The following FAM167A variants were observed in gnomAD, a reference collection of about 807,000 sequenced individuals.
FAM167A encodes the protein family with sequence similarity 167 member A.
In FAM167A, 23 loss-of-function variants were observed where a neutral mutation model predicts 14.9. The observed-to-expected ratio is 1.55, with a 90% CI of 1.11 to 2.19. The LOEUF (loss-of-function observed/expected upper bound fraction) is 2.19. Ranked by LOEUF, FAM167A falls within the 30% of genes most tolerant of loss-of-function variation. FAM167A has a pLI of 0.00. For missense variants in FAM167A, 401 were observed against 281.5 expected (o/e 1.42, Z -3.04); for synonymous variants, 174 against 117.7 (o/e 1.48, Z -3.10).
intron 1 of FAM167A, among the ~76,000 whole-genome samples, chr8:11,462,293 A>C (rs573246530): frequency 6.6e-6 from 1 of 152,314 alleles, no homozygotes; most frequent in South Asian, 2.1e-4. Context: ...CCTGCCACTT[A>C]CTAGTTCTAT....
intron 2 of FAM167A, chr8:11,438,002 A>G (rs2001463): frequency 0.69 from 246,425 of 354,596 alleles, 86,435 homozygotes; most frequent in African/African-American, 0.83. Context: ...TTGTCACACC[A>G]TGCCACTGTG....
At chr8:11,452,161 C>G (rs1807052864) in intron 1 of FAM167A, among the ~76,000 whole-genome samples, 1 of 152,186 alleles carries the variant, frequency 6.6e-6, no homozygotes, top group Admixed American at 6.5e-5. Context: ...TCACTGTCCT[C>G]CTAATGAAAT....
intron 2 of FAM167A, among the ~76,000 whole-genome samples, chr8:11,427,158 T>TTAG (rs757700847): frequency 7.9e-5 from 12 of 152,218 alleles, no homozygotes; most frequent in Non-Finnish European, 1.6e-4. Context: ...TCCCTTTGGC[T>TTAG]TAGTGATTGT....
At chr8:11,430,548 G>A (rs528577219) in intron 2 of FAM167A, among the ~76,000 whole-genome samples, 19 of 152,292 alleles carry the variant, frequency 1.2e-4, no homozygotes, top group Admixed American at 1.2e-3. Context: ...GAACTGTATG[G>A]TATGTAAAGT....
At chr8:11,453,481 T>A (rs1202237089) in intron 1 of FAM167A, among the ~76,000 whole-genome samples, 2 of 152,172 alleles carry the variant, frequency 1.3e-5, no homozygotes, top group Non-Finnish European at 2.9e-5. Context: ...ATTACACAGA[T>A]GAAGAGACCG....
At chr8:11,445,113 G>A in intron 1 of FAM167A, 7 of 983,328 alleles carry the variant, frequency 7.1e-6, no homozygotes, top group Non-Finnish European at 8.5e-6. Context: ...TCACACACGA[G>A]GAACCCACAT....
intron 2 of FAM167A, among the ~76,000 whole-genome samples, chr8:11,436,157 T>C (rs181581266): frequency 5.3e-5 from 8 of 152,356 alleles, no homozygotes; most frequent in African/African-American, 1.4e-4. Flanking sequence ...GGCTGTGTTA[T>C]TGTCTCTATC....
intron 1 of FAM167A, among the ~76,000 whole-genome samples, chr8:11,459,166 A>G (rs568759924): frequency 1.3e-5 from 2 of 152,358 alleles, no homozygotes; most frequent in East Asian, 1.9e-4. Flanking sequence ...TTATTGTGCC[A>G]GGCACTGTGC....
In FAM167A at chr8:11,426,214, C is replaced by G. The variant is rs1176047485; in HGVS notation, c.382-1578G>C. Among the ~76,000 whole-genome samples, 13 of 152,326 alleles carry G rather than the reference C, an allele frequency of 8.5e-5. No homozygotes were observed. The East Asian group carries it at 1.7e-3, about 20-fold the overall frequency. ...TAAGACCTGTAAGCACCCCCACCCT[C>G]CAAGCCCCTTCAAGATATCCCACCT... On this transcript the variant is annotated intron_variant, in intron 2 of 2. Coordinates refer to ENST00000284486, the MANE Select transcript of FAM167A (RefSeq NM_053279.3).
At chr8:11,464,327 C>T (rs1392489384) in intron 1 of FAM167A, among the ~76,000 whole-genome samples, 1 of 152,174 alleles carries the variant, frequency 6.6e-6, no homozygotes, top group Non-Finnish European at 1.5e-5. Flanking sequence ...GCCTACCTGA[C>T]TCATCCTGGC....
chr8:11,439,703 A>C (rs368084008), intron 2 of FAM167A, among the ~76,000 whole-genome samples: 1 of 152,190 alleles, frequency 6.6e-6, no homozygotes, highest in African/African-American at 2.4e-5. Context: ...AGGGCTTCTC[A>C]CTACAAACTG....
At position 11,463,465 on chromosome 8, in the gene FAM167A, T is replaced by G. The variant is rs147574706; in HGVS notation, c.-398+3161A>C. 5.4e-3 allele frequency among the ~76,000 whole-genome samples: 821 copies of G among 152,310 alleles called. 13 individuals are homozygous for G. The highest frequency in any genetic ancestry group is 0.019 in the African/African-American group (784 of 41,582). On this transcript the variant is annotated intron_variant, in intron 1 of 2. Coordinates refer to ENST00000284486, the MANE Select transcript of FAM167A (RefSeq NM_053279.3). ...GAGCCTGCTGACCTAGGGGCTGCTG[T>G]GCCCAGCCAGCTCGCAGAGGCTCCG...
intron 1 of FAM167A, among the ~76,000 whole-genome samples, chr8:11,454,731 C>T (rs148128000): frequency 1.6e-3 from 248 of 152,310 alleles, no homozygotes; most frequent in Non-Finnish European, 2.6e-3. Context: ...CCTAGGGAGG[C>T]GAGCCTGGGG....
chr8:11,463,714 G>GT (rs2117153431), intron 1 of FAM167A, among the ~76,000 whole-genome samples: 2 of 152,310 alleles, frequency 1.3e-5, no homozygotes, highest in African/African-American at 4.8e-5. Context: ...ATGCCCTGGA[G>GT]GGAACTTCCG....
At chr8:11,474,471 C>G (rs906892027) in intron 1 of FAM167A, 13 of 152,202 alleles carry the variant, frequency 8.5e-5, no homozygotes, top group African/African-American at 3.1e-4. Context: ...CCCAGGAAAG[C>G]AGCAAGCCAC....
chr8:11,434,969 C>A, intron 2 of FAM167A: 1 of 452,074 alleles, frequency 2.2e-6, no homozygotes, highest in Non-Finnish European at 4.5e-6. Flanking sequence ...GGCACCCACC[C>A]CTGCATTTGG....
rs878997464 is a variant in FAM167A at position 11,422,373 on chromosome 8, G to GGGTGTGTGTGTGTGTGTGTGTGT, written c.*1999_*2000insACACACACACACACACACACACC. 4 of 120,196 alleles carry GGGTGTGTGTGTGTGTGTGTGTGT rather than the reference G, an allele frequency of 3.3e-5. No individual in the cohort carries two copies. The highest frequency in any genetic ancestry group is 7.2e-5 in the Non-Finnish European group (4 of 55,330). 7.4% of individuals were successfully genotyped at this position (120,196 alleles called of 1,614,324 possible). A position where few individuals can be genotyped will look rare whatever the true frequency, so the allele number is the denominator to read the frequency against. On this transcript the variant is annotated 3_prime_UTR_variant, in exon 3 of 3. Coordinates refer to ENST00000284486, the MANE Select transcript of FAM167A (RefSeq NM_053279.3). ...TCTCTGTCGTGTGTGTGTGTGTGGG[G>GGGTGTGTGTGTGTGTGTGTGTGT]GTGTGTGTGTGTGTGTGTGTGTGTG...
At chr8:11,443,296 A>C (rs1806550143) in intron 2 of FAM167A, among the ~76,000 whole-genome samples, 1 of 152,212 alleles carries the variant, frequency 6.6e-6, no homozygotes, top group Admixed American at 6.5e-5. Flanking sequence ...ACCATGCACA[A>C]AAGATGCTCC....
At position 11,444,298 on chromosome 8, in the gene FAM167A, C is replaced by T. The variant is rs1341293807; in HGVS notation, c.114G>A (p.Arg38=). ...GGTAGGAGGGCCTGCGGGTCTCCAG[C>T]CTCAGTTTCTCGGTGAGGGCCTTCA... ...RSLKALTEKL[R]LETRRPSYLE... The change falls in exon 2 of 3, where the codon AGG becomes AGA. Residue 38 remains arginine, a synonymous_variant. Coordinates refer to ENST00000284486, the MANE Select transcript of FAM167A (RefSeq NM_053279.3). 4 of 1,612,170 alleles carry T rather than the reference C, an allele frequency of 2.5e-6. No individual in the cohort carries two copies. The highest frequency in any genetic ancestry group is 3.4e-6 in the Non-Finnish European group (4 of 1,179,826).
Sources: allele counts gnomAD v4.1 joint callset (sites outside exome capture counted in the v4.1 genomes callset), GRCh38; gene constraint gnomAD v4.1.1; transcripts MANE v1.5; gene names NCBI Gene and HGNC (gene_info 2026-07-23, HGNC 2026-07-21).